GALNTL6: variants seen among roughly 807,000 people sequenced by gnomAD.
The protein encoded by GALNTL6 is polypeptide N-acetylgalactosaminyltransferase-like 6.
In GALNTL6, 46 loss-of-function variants were observed where a neutral mutation model predicts 73.7. That is an observed-to-expected ratio of 0.62 (90% CI 0.49 to 0.80). The LOEUF (loss-of-function observed/expected upper bound fraction) is 0.80. GALNTL6 is among the 30% of genes least tolerant of loss of function. GALNTL6 has a pLI of 0.00. For missense variants in GALNTL6, 604 were observed against 755.0 expected (o/e 0.80, Z 2.34); for synonymous variants, 259 against 263.7 (o/e 0.98, Z 0.17).
At chr4:171,818,476 T>A (rs1000564631) in intron 2 of GALNTL6, among the ~76,000 whole-genome samples, 1 of 149,144 alleles carries the variant, frequency 6.7e-6, no homozygotes, top group Non-Finnish European at 1.5e-5. Flanking sequence ...TGCAATTTTT[T>A]AAATAAAAAT....
chr4:172,893,382 A>G (rs1239072046), intron 8 of GALNTL6, among the ~76,000 whole-genome samples: 1 of 151,896 alleles, frequency 6.6e-6, no homozygotes, highest in Non-Finnish European at 1.5e-5. Context: ...CTCAAGCCAA[A>G]GATCTCAGCT....
chr4:172,390,851 C>T (rs1054533562), intron 5 of GALNTL6, among the ~76,000 whole-genome samples: 3 of 152,018 alleles, frequency 2.0e-5, no homozygotes, highest in South Asian at 2.1e-4. Flanking sequence ...TACATTGAGG[C>T]TCCTAGGAGC....
chr4:172,277,253 A>G (rs1184936893), intron 3 of GALNTL6, among the ~76,000 whole-genome samples: 2 of 149,692 alleles, frequency 1.3e-5, no homozygotes, highest in Non-Finnish European at 3.0e-5. Context: ...AGGCTTGAAA[A>G]TAAAAAATGC....
At chr4:172,946,133 G>A (rs1749155804) in intron 9 of GALNTL6, among the ~76,000 whole-genome samples, 1 of 138,068 alleles carries the variant, frequency 7.2e-6, no homozygotes, top group South Asian at 2.1e-4. Flanking sequence ...GCGTGTGTGT[G>A]TGTGTGTGTG....
At chr4:172,465,976 G>C (rs1036198894) in intron 5 of GALNTL6, among the ~76,000 whole-genome samples, 3 of 152,060 alleles carry the variant, frequency 2.0e-5, no homozygotes, top group Admixed American at 2.0e-4. Context: ...TTAAAAAACT[G>C]TCCCAAATTT....
intron 5 of GALNTL6, among the ~76,000 whole-genome samples, chr4:172,542,205 A>C (rs1735581554): frequency 6.6e-6 from 1 of 151,930 alleles, no homozygotes; most frequent in South Asian, 2.1e-4. Flanking sequence ...TGTCTTATTT[A>C]AGTAGAGCTC....
intron 12 of GALNTL6, among the ~76,000 whole-genome samples, chr4:173,034,202 G>A (rs1049212187): frequency 1.3e-5 from 2 of 152,062 alleles, no homozygotes; most frequent in Non-Finnish European, 2.9e-5. Flanking sequence ...TTTTGCATCA[G>A]CTGAAATCTG....
intron 2 of GALNTL6, among the ~76,000 whole-genome samples, chr4:171,866,219 A>G (rs1427996097): frequency 6.6e-6 from 1 of 152,176 alleles, no homozygotes; most frequent in East Asian, 1.9e-4. Context: ...GTATTATATA[A>G]TGTCTTTCAT....
chr4:172,393,305 A>G (rs1168312545), intron 5 of GALNTL6, among the ~76,000 whole-genome samples: 1 of 152,184 alleles, frequency 6.6e-6, no homozygotes, highest in Non-Finnish European at 1.5e-5. Context: ...GGAACTGGGC[A>G]ACATCACCCC....
At chr4:172,225,298 C>T (rs546723977) in intron 2 of GALNTL6, among the ~76,000 whole-genome samples, 13 of 152,046 alleles carry the variant, frequency 8.6e-5, no homozygotes, top group East Asian at 1.9e-4. Flanking sequence ...TATACAAATG[C>T]GCTGAGATTG....
chr4:172,532,279 G>T (rs1735194690), intron 5 of GALNTL6, among the ~76,000 whole-genome samples: 1 of 152,194 alleles, frequency 6.6e-6, no homozygotes, highest in Non-Finnish European at 1.5e-5. Context: ...AAGAGAGACA[G>T]ACACACAGGA....
At chr4:172,083,766 C>G (rs1342863511) in intron 2 of GALNTL6, among the ~76,000 whole-genome samples, 1 of 152,120 alleles carries the variant, frequency 6.6e-6, no homozygotes, top group Non-Finnish European at 1.5e-5. Context: ...TTACGTGTCT[C>G]TCTCCATTAC....
At chr4:172,739,701 AG>A (rs796208923) in intron 5 of GALNTL6, among the ~76,000 whole-genome samples, 2 of 152,282 alleles carry the variant, frequency 1.3e-5, no homozygotes, top group African/African-American at 4.8e-5. Context: ...CATCTCAGCA[AG>A]CCTCTCTTCA....
At chr4:172,704,694 G>A (rs75011719) in intron 5 of GALNTL6, among the ~76,000 whole-genome samples, 3,451 of 152,044 alleles carry the variant, frequency 0.023, 124 homozygotes, top group African/African-American at 0.077. Flanking sequence ...TTCTTTAAAC[G>A]TTGGTTAGGT....
intron 7 of GALNTL6, among the ~76,000 whole-genome samples, chr4:172,855,268 A>G (rs1460341652): frequency 6.6e-6 from 1 of 151,466 alleles, no homozygotes; most frequent in Non-Finnish European, 1.5e-5. Flanking sequence ...TTCACATACC[A>G]CTGTGGTGCT....
intron 5 of GALNTL6, among the ~76,000 whole-genome samples, chr4:172,423,105 A>G (rs570269406): frequency 1.3e-5 from 2 of 151,936 alleles, no homozygotes; most frequent in Admixed American, 6.6e-5. Flanking sequence ...TTAATGCAAA[A>G]TCCCATCACT....
chr4:172,061,976 C>CT (rs1422402662), intron 2 of GALNTL6, among the ~76,000 whole-genome samples: 1 of 123,774 alleles, frequency 8.1e-6, no homozygotes, highest in African/African-American at 3.2e-5. Flanking sequence ...GAGACAGAGT[C>CT]TTGCTCTTGC....
At chr4:171,909,345 G>A (rs1427542119) in intron 2 of GALNTL6, among the ~76,000 whole-genome samples, 1 of 151,910 alleles carries the variant, frequency 6.6e-6, no homozygotes, top group Non-Finnish European at 1.5e-5. Flanking sequence ...GATGATCCAG[G>A]GTTATAAAAG....
intron 2 of GALNTL6, among the ~76,000 whole-genome samples, chr4:171,830,418 CT>C (rs1226073384): frequency 6.6e-6 from 1 of 152,024 alleles, no homozygotes; most frequent in East Asian, 1.9e-4. Flanking sequence ...AAATTAAGTA[CT>C]TGATAAATAT....
Sources: gnomAD v4.1 joint callset for allele counts (sites outside exome capture counted in the v4.1 genomes callset) on GRCh38, gnomAD v4.1.1 for gene constraint, MANE v1.5 for transcripts, NCBI Gene and HGNC (gene_info 2026-07-23, HGNC 2026-07-21) for gene names.